STX16: variants seen among roughly 807,000 people sequenced by gnomAD.
The protein encoded by STX16 is syntaxin-16.
A neutral mutation model predicts 42.7 loss-of-function variants in STX16; 28 were observed. The observed-to-expected ratio is 0.66, with a 90% confidence interval of 0.49 to 0.90. The LOEUF (loss-of-function observed/expected upper bound fraction) is 0.90, where lower values mean the gene tolerates loss of function less well. STX16 is among the 40% of genes least tolerant of loss of function. The pLI is 0.00. For synonymous variants in STX16, 156 were observed against 155.2 expected, an observed-to-expected ratio of 1.00 and a Z score of -0.04; for missense variants, 361 against 420.9, an observed-to-expected ratio of 0.86 and a Z score of 1.24.
intron 2 of STX16, chr20:58,667,055 G>A (rs983290219): frequency 1.0e-5 from 3 of 293,534 alleles, no homozygotes; most frequent in Non-Finnish European, 2.0e-5. Flanking sequence ...GCATTTTGTA[G>A]TTGTTTCATT....
intron 1 of STX16, 42 bp from the exon 2 acceptor site, chr20:58,659,581 C>A: frequency 6.3e-7 from 1 of 1,599,756 alleles, no homozygotes; most frequent in Non-Finnish European, 8.5e-7. Context: ...TTTGTGCTTT[C>A]CCCAACTGGA....
chr20:58,673,644 A>C lies in STX16; in HGVS notation c.806A>C (p.Asp269Ala), dbSNP rs1369659579. The C allele has an allele frequency of 6.2e-7, 1 of 1,612,680 alleles. No individual in the cohort carries two copies. The highest frequency in any genetic ancestry group is 1.7e-5 in the Admixed American group (1 of 60,012). The change falls in exon 8 of 9, where the codon GAC becomes GCC. Residue 269 changes from aspartate to alanine, a missense_variant. Asp to Ala is a moderately radical substitution (Grantham distance 126). Coordinates refer to ENST00000371141, the MANE Select transcript of STX16 (RefSeq NM_001001433.3). ...TTTATTACCTAGGGTACAGTCCTTG[A>C]CAGAATTGACTATAACGTTGAACAG... ...AMIVEQGTVL[D>A]RIDYNVEQSC...
rs1314494476 is a variant in STX16 at position 58,659,645 on chromosome 20, T to G, written c.144+11T>G. Reference sequence around the variant, plus strand: ...CAGGAGCTGGACGAGGTATTGTGTTTTGAATATTTTTATATGTTGGGTAAT... The same window carrying G: ...CAGGAGCTGGACGAGGTATTGTGTTGTGAATATTTTTATATGTTGGGTAAT... On this transcript the variant is annotated intron_variant, in intron 2 of 8. Transcript: ENST00000371141. The G allele has an allele frequency of 1.2e-6, 2 of 1,612,370 alleles. No homozygotes were observed. Among genetic ancestry groups the G allele is most frequent in the Non-Finnish European group, 1.7e-6 (2 of 1,179,588 alleles).
intron 5 of STX16, among the ~76,000 whole-genome samples, chr20:58,669,718 G>A (rs1192857331): frequency 1.3e-5 from 2 of 152,142 alleles, no homozygotes; most frequent in African/African-American, 4.8e-5. Flanking sequence ...TTTGTGTCAA[G>A]CTGCAAGAAT....
At chr20:58,673,231 G>C (rs2084023331) in intron 7 of STX16, among the ~76,000 whole-genome samples, 1 of 152,112 alleles carries the variant, frequency 6.6e-6, no homozygotes. Context: ...GAGCTTACCT[G>C]GTGTTCTCTG....
At position 58,657,966 on chromosome 20, in the gene STX16, T is replaced by C. The variant is rs1250795348; in HGVS notation, c.133-1657T>C. 6.6e-6 allele frequency among the ~76,000 whole-genome samples: 1 copy of C among 152,236 alleles called. No individual in the cohort carries two copies. The highest frequency in any genetic ancestry group is 1.9e-4 in the East Asian group (1 of 5,198). The stretch of plus-strand genomic sequence containing the variant: ...CCAGTCTGACCATTAACAAGCTCTG[T>C]GGCTTCAAGCAATGCATTTATACAT... On this transcript the variant is annotated intron_variant, in intron 1 of 8. Transcript: ENST00000371141. The surrounding 1 kb of genome is among the most constrained non-coding windows in gnomAD (Gnocchi z 4.2).
chr20:58,672,525 C>G (rs1156452194), intron 7 of STX16, among the ~76,000 whole-genome samples: 1 of 151,942 alleles, frequency 6.6e-6, no homozygotes, highest in Admixed American at 6.5e-5. Flanking sequence ...ATCCAAAACA[C>G]TTCTAGTCTC....
Position 58,669,429 on chromosome 20 carries a change from C to T in STX16, c.532C>T (p.His178Tyr). The T allele has an allele frequency of 3.1e-6, 5 of 1,611,598 alleles. No homozygotes were observed. The highest frequency in any genetic ancestry group is 2.7e-5 in the African/African-American group (2 of 74,938). ...ALQELSTSFR[H>Y]AQSGYLKRMK... ...GCAGGAACTCTCCACCAGCTTCCGG[C>T]ACGCACAGTCAGGCTACCTCAAACG... Residue 178 changes from histidine (H) to tyrosine (Y), a missense_variant, in exon 5 of 9, where the codon CAC becomes TAC. By Grantham distance (83) the His-to-Tyr change is moderately conservative. Transcript: ENST00000371141.
At chr20:58,652,261 TAAG>T (rs1439507123) in intron 1 of STX16, 123 bp downstream of exon 1, 2 of 1,397,040 alleles carry the variant, frequency 1.4e-6, no homozygotes, top group African/African-American at 2.9e-5. Flanking sequence ...CTAAGAATAA[TAAG>T]ATCTCTTGGC....
At chr20:58,671,442 G>GTA (rs2083971557) in intron 7 of STX16, 145 bp downstream of exon 7, 1 of 390,912 alleles carries the variant, frequency 2.6e-6, no homozygotes, top group African/African-American at 2.3e-5. Context: ...GTGTGGGTGT[G>GTA]TGTGTGTGTG....
Position 58,676,334 on chromosome 20 carries a change from G to A in STX16, c.*43G>A, listed in dbSNP as rs947718789. ...TGTGTGCCGCGCGTGTGGATCTCCC[G>A]GGTGTGAGGGGCTTGGCCTGCGCCC... is the stretch of plus-strand genomic sequence containing the variant. On this transcript the variant is annotated 3_prime_UTR_variant, in exon 9 of 9. Coordinates refer to ENST00000371141, the MANE Select transcript of STX16 (RefSeq NM_001001433.3). 2 of 1,553,104 alleles carry A rather than the reference G, an allele frequency of 1.3e-6. No individual in the cohort carries two copies. The highest frequency in any genetic ancestry group is 2.2e-5 in the South Asian group (2 of 89,602).
At position 58,678,872 on chromosome 20, in the gene STX16, T is replaced by C. The variant is rs1207322681; in HGVS notation, c.*2581T>C. The C allele has an allele frequency of 1.3e-5, 2 of 152,280 alleles. No individual in the cohort carries two copies. Among genetic ancestry groups the C allele is most frequent in the Non-Finnish European group, 2.9e-5 (2 of 68,108 alleles). 9.4% of individuals were successfully genotyped at this position (152,280 alleles called of 1,614,324 possible). On this transcript the variant is annotated 3_prime_UTR_variant, in exon 9 of 9. Coordinates refer to ENST00000371141, the MANE Select transcript of STX16 (RefSeq NM_001001433.3). ...TTTACTCGCTGGCAGCCATTGTCTGTGGGCACCTCATGTTTTTCCACACTC... is the reference window on the plus strand; with the variant it reads ...TTTACTCGCTGGCAGCCATTGTCTGCGGGCACCTCATGTTTTTCCACACTC...
intron 2 of STX16, 125 bp from the exon 3 acceptor site, chr20:58,667,365 A>T: frequency 1.2e-6 from 1 of 821,764 alleles, no homozygotes; most frequent in Non-Finnish European, 2.0e-6. Flanking sequence ...AGCAACATTT[A>T]AGAGAGAGTA....
chr20:58,660,049 C>T (rs565835009), intron 2 of STX16, among the ~76,000 whole-genome samples: 14 of 152,150 alleles, frequency 9.2e-5, no homozygotes, highest in East Asian at 3.9e-4. Context: ...ACTGTAGCCA[C>T]GGCAACTGTG....
Position 58,668,145 on chromosome 20 carries a change from G to A in STX16, c.393+18G>A. The A allele has an allele frequency of 7.4e-6, 12 of 1,613,564 alleles. No homozygotes were observed. The highest frequency in any genetic ancestry group is 1.0e-5 in the Non-Finnish European group (12 of 1,179,652). ...TCACTCAGGTGAGGAGTGCAAGTGA[G>A]TCCTGGGGAAACCAGCGAGCCTTCT... On this transcript the variant is annotated intron_variant, in intron 4 of 8. Coordinates refer to ENST00000371141, the MANE Select transcript of STX16 (RefSeq NM_001001433.3).
At chr20:58,667,779 G>A (rs2083871443) in intron 3 of STX16, among the ~76,000 whole-genome samples, 182 bp downstream of exon 3, 1 of 152,148 alleles carries the variant, frequency 6.6e-6, no homozygotes, top group Non-Finnish European at 1.5e-5. Context: ...TTTAACATTG[G>A]TAGTAACTAC....
Position 58,667,509 on chromosome 20 carries a change from C to T in STX16, c.164C>T (p.Ala55Val). The change falls in exon 3 of 9, where the codon GCA (alanine) becomes GTA (valine). Residue 55 changes from alanine to valine, a missense_variant. Coordinates refer to ENST00000371141, the MANE Select transcript of STX16 (RefSeq NM_001001433.3). ...CTGTAGCTTGCTGATGACCGTATGG[C>T]ACTGGTGTCAGGCATCAGCTTAGAT... ...ELDELADDRMALVSGISLDPE... is the reference protein window; with the variant it reads ...ELDELADDRMVLVSGISLDPE... 1 of 1,614,082 alleles carries T rather than the reference C, an allele frequency of 6.2e-7. No individual in the cohort carries two copies. The highest frequency in any genetic ancestry group is 8.5e-7 in the Non-Finnish European group (1 of 1,180,006).
chr20:58,678,852 T>C lies in STX16; in HGVS notation c.*2561T>C, dbSNP rs1345510949. 2.0e-5 allele frequency: 3 copies of C among 152,256 alleles called. No individual in the cohort carries two copies. The highest frequency in any genetic ancestry group is 7.2e-5 in the African/African-American group (3 of 41,438). The allele number at this position is 152,256 out of a possible 1,614,324, so 9.4% of individuals were successfully genotyped here. On this transcript the variant is annotated 3_prime_UTR_variant, in exon 9 of 9. Coordinates refer to ENST00000371141, the MANE Select transcript of STX16 (RefSeq NM_001001433.3). The stretch of plus-strand genomic sequence containing the variant: ...TACCTCAGGGTTTCTTTCCCTTTAC[T>C]CGCTGGCAGCCATTGTCTGTGGGCA...
At position 58,667,532 on chromosome 20, in the gene STX16, G is replaced by A; in HGVS notation, c.187G>A (p.Asp63Asn). 3.7e-6 allele frequency: 6 copies of A among 1,614,178 alleles called. No homozygotes were observed. Among genetic ancestry groups the A allele is most frequent in the Non-Finnish European group, 5.1e-6 (6 of 1,180,032 alleles). Residue 63 changes from aspartate (D) to asparagine (N), a missense_variant, in exon 3 of 9, where the codon GAT becomes AAT. Transcript: ENST00000371141. ...RMALVSGISL[D>N]PEAAIGVTKR... ...GGCACTGGTGTCAGGCATCAGCTTA[G>A]ATCCAGAAGCAGCGATTGGTGTGAC... is the stretch of plus-strand genomic sequence containing the variant.
Sources: allele counts gnomAD v4.1 joint callset (sites outside exome capture counted in the v4.1 genomes callset), GRCh38; gene constraint gnomAD v4.1.1; non-coding constraint Gnocchi (gnomAD v3.1); transcripts MANE v1.5; gene names NCBI Gene and HGNC (gene_info 2026-07-23, HGNC 2026-07-21).